The following ENPP6 variants were observed in gnomAD, a reference collection of about 807,000 sequenced individuals.
ENPP6 encodes the protein glycerophosphocholine cholinephosphodiesterase ENPP6.
A neutral mutation model predicts 42.0 loss-of-function variants in ENPP6; 32 were observed. The observed-to-expected ratio is 0.76, with a 90% CI of 0.58 to 1.02. The LOEUF (loss-of-function observed/expected upper bound fraction) is 1.02, where lower values mean the gene tolerates loss of function less well. Among genes scored for constraint, ENPP6 ranks in the 50% least tolerant of loss-of-function variants. ENPP6 has a pLI of 0.00. For missense variants in ENPP6, 552 were observed against 566.8 expected (o/e 0.97, Z 0.27); for synonymous variants, 213 against 216.0 (o/e 0.99, Z 0.12).
chr4:184,183,777 T>C (rs1325876612), intron 1 of ENPP6, among the ~76,000 whole-genome samples: 2 of 152,228 alleles, frequency 1.3e-5, no homozygotes, highest in Non-Finnish European at 2.9e-5. Flanking sequence ...CCTTCCACTG[T>C]GAACAGATGT....
At chr4:184,132,656 T>C (rs1398253492) in intron 2 of ENPP6, among the ~76,000 whole-genome samples, 1 of 152,086 alleles carries the variant, frequency 6.6e-6, no homozygotes, top group African/African-American at 2.4e-5. Flanking sequence ...CAAATTTTTC[T>C]AAACATAGAA....
chr4:184,175,944 C>A (rs1340396454), intron 1 of ENPP6, among the ~76,000 whole-genome samples: 2 of 150,822 alleles, frequency 1.3e-5, no homozygotes, highest in African/African-American at 4.9e-5. Flanking sequence ...AAAAATAGTA[C>A]AAAATAATCC....
intron 1 of ENPP6, among the ~76,000 whole-genome samples, chr4:184,209,343 A>AT (rs1733070945): frequency 6.8e-6 from 1 of 147,994 alleles, no homozygotes; most frequent in Admixed American, 6.7e-5. Flanking sequence ...TTTGAAAAAA[A>AT]TTTAGAAGAA....
intron 1 of ENPP6, among the ~76,000 whole-genome samples, chr4:184,205,128 T>A (rs1007444312): frequency 6.6e-6 from 1 of 152,148 alleles, no homozygotes; most frequent in African/African-American, 2.4e-5. Context: ...AGACAGGGTT[T>A]CACCGTGTTA....
chr4:184,090,418 G>A lies in ENPP6; in HGVS notation c.*759C>T, dbSNP rs1375511717. ...TGCTATGTGCCGGGCTTCATGCCAC[G>A]ATACACTATGTGTGATAAGTCTCAC... On this transcript the variant is annotated 3_prime_UTR_variant, in exon 8 of 8. Coordinates refer to ENST00000296741, the MANE Select transcript of ENPP6 (RefSeq NM_153343.4). 6.6e-6 allele frequency: 1 copy of A among 152,218 alleles called. No homozygotes were observed. The highest frequency in any genetic ancestry group is 2.4e-5 in the African/African-American group (1 of 41,448). The allele number at this position is 152,218 out of a possible 1,614,324, so 9.4% of individuals were successfully genotyped here. A position where few individuals can be genotyped will look rare whatever the true frequency, so the allele number is the denominator to read the frequency against.
intron 6 of ENPP6, among the ~76,000 whole-genome samples, chr4:184,106,406 C>T (rs1736093238): frequency 6.6e-6 from 1 of 152,170 alleles, no homozygotes; most frequent in Non-Finnish European, 1.5e-5. Flanking sequence ...CCTAAGCAGC[C>T]CCATCTTGTT....
At chr4:184,109,320 G>A (rs1458446876) in intron 6 of ENPP6, among the ~76,000 whole-genome samples, 1 of 152,190 alleles carries the variant, frequency 6.6e-6, no homozygotes, top group African/African-American at 2.4e-5. Context: ...GAACTGGGAT[G>A]CACTTAATTC....
chr4:184,183,267 C>T (rs753027772), intron 1 of ENPP6, among the ~76,000 whole-genome samples: 3 of 152,202 alleles, frequency 2.0e-5, no homozygotes, highest in Non-Finnish European at 2.9e-5. Flanking sequence ...TTCTATTAGG[C>T]AGACACTGAG....
intron 2 of ENPP6, among the ~76,000 whole-genome samples, chr4:184,136,652 T>C (rs1736734216): frequency 6.6e-6 from 1 of 152,244 alleles, no homozygotes; most frequent in Non-Finnish European, 1.5e-5. Context: ...TCATATCATT[T>C]TGAGGATCTC....
At chr4:184,111,227 C>A (rs1736191185) in intron 6 of ENPP6, among the ~76,000 whole-genome samples, 1 of 152,208 alleles carries the variant, frequency 6.6e-6, no homozygotes, top group African/African-American at 2.4e-5. Context: ...ATGACGGATG[C>A]AAATAGCCAG....
chr4:184,157,135 C>A (rs1047687117), intron 1 of ENPP6, among the ~76,000 whole-genome samples: 3 of 152,224 alleles, frequency 2.0e-5, no homozygotes, highest in African/African-American at 7.2e-5. Flanking sequence ...CACCACCCTG[C>A]CTGCCTTCAG....
chr4:184,126,740 G>A (rs560399756), intron 2 of ENPP6, among the ~76,000 whole-genome samples: 11 of 152,238 alleles, frequency 7.2e-5, no homozygotes, highest in African/African-American at 1.4e-4. Flanking sequence ...TAAAGTGATC[G>A]TCCTTATCAT....
At position 184,153,675 on chromosome 4, in the gene ENPP6, G is replaced by T; in HGVS notation, c.300C>A (p.Asn100Lys). The change falls in exon 2 of 8, where the codon AAC becomes AAA. Residue 100 changes from asparagine (N) to lysine (K), a missense_variant. Physicochemically the swap from Asn to Lys is moderately conservative, Grantham distance 94. Around this residue, in one of 2 missense-constraint regions of ENPP6, gnomAD observed 545 missense variants for 546.3 expected, o/e 1.00. Transcript: ENST00000296741. ...TGTTGACGCCAATGTCAAAGGACTT[G>T]TTGGTGGTGGGGTCCCACATGTAGT... ...IGNYMWDPTTNKSFDIGVNKD... is the reference protein window; with the variant it reads ...IGNYMWDPTTKKSFDIGVNKD... The T allele has an allele frequency of 6.2e-7, 1 of 1,614,178 alleles. No homozygotes were observed. The highest frequency in any genetic ancestry group is 2.2e-5 in the East Asian group (1 of 44,882).
intron 7 of ENPP6, among the ~76,000 whole-genome samples, chr4:184,096,439 G>T (rs754131783): frequency 8.5e-5 from 13 of 152,302 alleles, no homozygotes; most frequent in Non-Finnish European, 1.6e-4. Flanking sequence ...AAGAAAGAAG[G>T]ATAGCTCATG....
chr4:184,128,044 GA>G (rs1736534468), intron 2 of ENPP6, among the ~76,000 whole-genome samples: 1 of 151,702 alleles, frequency 6.6e-6, no homozygotes, highest in African/African-American at 2.4e-5. Flanking sequence ...AGTCATCAAG[GA>G]AAAAAACAAA....
At chr4:184,164,002 C>T (rs1737308323) in intron 1 of ENPP6, among the ~76,000 whole-genome samples, 1 of 152,234 alleles carries the variant, frequency 6.6e-6, no homozygotes. Flanking sequence ...TCTGGGGCCA[C>T]CCGCTGGAAG....
chr4:184,185,104 C>A (rs1405602123), intron 1 of ENPP6, among the ~76,000 whole-genome samples: 1 of 152,160 alleles, frequency 6.6e-6, no homozygotes, highest in Non-Finnish European at 1.5e-5. Flanking sequence ...GCATATTTTA[C>A]AAATGCAGGT....
At chr4:184,199,381 G>A (rs1732856518) in intron 1 of ENPP6, among the ~76,000 whole-genome samples, 1 of 152,206 alleles carries the variant, frequency 6.6e-6, no homozygotes, top group African/African-American at 2.4e-5. Context: ...GCTAGTGAGT[G>A]GCTGAAGAAC....
At chr4:184,128,465 G>C (rs1028073674) in intron 2 of ENPP6, among the ~76,000 whole-genome samples, 2 of 152,176 alleles carry the variant, frequency 1.3e-5, no homozygotes, top group African/African-American at 2.4e-5. Flanking sequence ...ACAGGCATGA[G>C]CCACCATGCC....
Sources: gnomAD v4.1 joint callset for allele counts (sites outside exome capture counted in the v4.1 genomes callset) on GRCh38, gnomAD v4.1.1 for gene constraint, gnomAD v4.1.1 regional missense constraint, MANE v1.5 for transcripts, NCBI Gene and HGNC (gene_info 2026-07-23, HGNC 2026-07-21) for gene names.